The following OR51B5 variants were observed in gnomAD, a reference collection of about 807,000 sequenced individuals.
OR51B5 encodes olfactory receptor family 51 subfamily B member 5, also known as olfactory receptor 51B5.
For synonymous variants in OR51B5, 186 were observed against 144.8 expected (o/e 1.28, Z -2.04); for missense variants, 456 against 374.6 (o/e 1.22, Z -1.79).
chr11:5,395,113 G>A (rs1469682429), intron 1 of OR51B5, among the ~76,000 whole-genome samples: 1 of 152,118 alleles, frequency 6.6e-6, no homozygotes, highest in Admixed American at 6.5e-5. Context: ...TAAGATAACT[G>A]GGCATCTCAA....
chr11:5,484,207 G>C (rs1184205162), intron 1 of OR51B5, among the ~76,000 whole-genome samples: 1 of 152,178 alleles, frequency 6.6e-6, no homozygotes, highest in African/African-American at 2.4e-5. Flanking sequence ...ACATCTAGGT[G>C]TAAGATGGGG....
At chr11:5,422,542 T>G (rs1850360090) in intron 1 of OR51B5, 2 of 1,614,176 alleles carry the variant, frequency 1.2e-6, no homozygotes, top group Non-Finnish European at 1.7e-6. Flanking sequence ...TTATGGAGTC[T>G]TCTGTCCTCC....
intron 1 of OR51B5, among the ~76,000 whole-genome samples, chr11:5,360,381 C>T (rs28871579): frequency 0.38 from 56,808 of 150,730 alleles, 10,978 homozygotes; most frequent in Non-Finnish European, 0.4. Flanking sequence ...TCAACAGACA[C>T]ATGAAAAAAT....
At chr11:5,402,937 G>T (rs971241292) in intron 1 of OR51B5, 7 of 471,182 alleles carry the variant, frequency 1.5e-5, no homozygotes, top group Middle Eastern at 3.2e-4. Context: ...ATCCATGATG[G>T]AGCCAGCTGT....
At chr11:5,431,089 T>G (rs1286946973) in intron 1 of OR51B5, 1 of 437,706 alleles carries the variant, frequency 2.3e-6, no homozygotes, top group Non-Finnish European at 4.6e-6. Context: ...GACATTAGTG[T>G]GGCAATAGGG....
chr11:5,429,264 C>T (rs1206617760), intron 1 of OR51B5, among the ~76,000 whole-genome samples: 1 of 152,158 alleles, frequency 6.6e-6, no homozygotes, highest in Non-Finnish European at 1.5e-5. Context: ...ATAACTCCAT[C>T]TCCTGTGTGG....
intron 1 of OR51B5, among the ~76,000 whole-genome samples, chr11:5,372,527 C>T (rs1190215306): frequency 6.6e-6 from 1 of 152,104 alleles, no homozygotes; most frequent in East Asian, 1.9e-4. Flanking sequence ...TGTAGTGCAC[C>T]TTTTCATATG....
At chr11:5,448,178 A>T (rs148640849) in intron 1 of OR51B5, among the ~76,000 whole-genome samples, 177 of 152,134 alleles carry the variant, frequency 1.2e-3, no homozygotes, top group Middle Eastern at 6.8e-3. Flanking sequence ...CAATTCATTA[A>T]TTTTTCTCAA....
intron 1 of OR51B5, among the ~76,000 whole-genome samples, chr11:5,426,389 A>AGGAT (rs1312442546): frequency 6.6e-6 from 1 of 152,208 alleles, no homozygotes; most frequent in Non-Finnish European, 1.5e-5. Flanking sequence ...AAGACATTAT[A>AGGAT]GGATTACAGG....
At chr11:5,440,707 C>A in intron 1 of OR51B5, 2 of 1,613,924 alleles carry the variant, frequency 1.2e-6, no homozygotes, top group Non-Finnish European at 8.5e-7. Flanking sequence ...ACAGGTGGAG[C>A]ACTTTTCCAG....
intron 1 of OR51B5, among the ~76,000 whole-genome samples, chr11:5,462,024 T>C (rs1851061138): frequency 6.6e-6 from 1 of 152,216 alleles, no homozygotes; most frequent in Non-Finnish European, 1.5e-5. Context: ...AATTTGTACT[T>C]CTATTTTTTA....
rs959940920 is a variant in OR51B5, at chr11:5,359,362, G to A, written n.85-12452C>T. Among the ~76,000 whole-genome samples, 16 of 146,130 alleles carry A rather than the reference G, an allele frequency of 1.1e-4. 1 individual carries two copies. Among genetic ancestry groups the A allele is most frequent in the Non-Finnish European group, 1.7e-4 (11 of 66,082 alleles). Reference sequence around the variant, plus strand: ...TATACACCAATAACAGACAAACAGAGAGCCAAATCATGAGGGAACTCCCAT... The same window carrying A: ...TATACACCAATAACAGACAAACAGAAAGCCAAATCATGAGGGAACTCCCAT... On this transcript the variant is annotated intron_variant and non_coding_transcript_variant, in intron 1 of 4. Transcript: ENST00000415970.
intron 1 of OR51B5, among the ~76,000 whole-genome samples, chr11:5,380,609 A>G (rs754975460): frequency 2.6e-5 from 4 of 152,320 alleles, no homozygotes; most frequent in African/African-American, 7.2e-5. Context: ...GGCTTGGTCA[A>G]TATGATTAAG....
intron 1 of OR51B5, chr11:5,390,465 T>C (rs1269193437): frequency 5.0e-6 from 6 of 1,196,000 alleles, no homozygotes; most frequent in African/African-American, 4.6e-5. Context: ...TATAGCATGC[T>C]CTTAAAGATT....
chr11:5,358,153 G>A lies in OR51B5; in HGVS notation n.85-11243C>T, dbSNP rs182456193. 3.9e-3 allele frequency among the ~76,000 whole-genome samples: 595 copies of A among 152,136 alleles called. 2 individuals carry two copies. Among genetic ancestry groups the A allele is most frequent in the African/African-American group, 0.01 (425 of 41,508 alleles). ...AAATAACTAAAATCAGAGCAGAACT[G>A]AAGGAAATAGAGACACAAAAAAACC... On this transcript the variant is annotated intron_variant and non_coding_transcript_variant, in intron 1 of 4. Coordinates refer to the OR51B5 transcript ENST00000415970.
At chr11:5,394,820 GAC>G (rs1168690561) in intron 1 of OR51B5, among the ~76,000 whole-genome samples, 17 of 152,296 alleles carry the variant, frequency 1.1e-4, no homozygotes, top group African/African-American at 3.9e-4. Flanking sequence ...CTTTCTGAAA[GAC>G]AGAGTTTGTG....
intron 1 of OR51B5, among the ~76,000 whole-genome samples, chr11:5,379,058 A>G (rs1363837950): frequency 6.6e-6 from 1 of 151,268 alleles, no homozygotes; most frequent in African/African-American, 2.4e-5. Flanking sequence ...ACTTGGAACC[A>G]ACCCAAATGT....
At chr11:5,443,921 T>C (rs1391621) in intron 1 of OR51B5, among the ~76,000 whole-genome samples, 73,618 of 151,828 alleles carry the variant, frequency 0.48, 19,376 homozygotes, top group Non-Finnish European at 0.59. Context: ...TTTACACTCT[T>C]ATACTTACAC....
intron 1 of OR51B5, among the ~76,000 whole-genome samples, chr11:5,438,448 G>T (rs1212107499): frequency 4.6e-5 from 7 of 151,952 alleles, no homozygotes; most frequent in Non-Finnish European, 4.4e-5. Flanking sequence ...CTCAGATCTG[G>T]ATCTAAACAT....
Sources: allele counts gnomAD v4.1 joint callset (sites outside exome capture counted in the v4.1 genomes callset), GRCh38; gene constraint gnomAD v4.1.1; transcripts MANE v1.5; gene names NCBI Gene and HGNC (gene_info 2026-07-23, HGNC 2026-07-21).